ASAP1: variants seen among roughly 807,000 people sequenced by gnomAD.
The protein encoded by ASAP1 is ArfGAP with SH3 domain, ankyrin repeat and PH domain 1, also known as arf-GAP with SH3 domain, ANK repeat and PH domain-containing protein 1.
In ASAP1, 43 loss-of-function variants were observed where a neutral mutation model predicts 145.2. The ratio of observed to expected loss-of-function variants is 0.30; its 90% CI spans 0.23 to 0.38. ASAP1 has a LOEUF of 0.38. ASAP1 is among the 10% of genes least tolerant of loss of function. The probability of loss-of-function intolerance (pLI) is 1.00; values close to 1 mark genes in which losing one functional copy is unlikely to be tolerated. For synonymous variants in ASAP1, 546 were observed against 515.5 expected (o/e 1.06, Z -0.80); for missense variants, 1,018 against 1,355.3 (o/e 0.75, Z 3.91).
intron 3 of ASAP1, among the ~76,000 whole-genome samples, chr8:130,278,311 T>C (rs115888475): frequency 0.011 from 1,679 of 152,186 alleles, 29 homozygotes; most frequent in African/African-American, 0.039. Flanking sequence ...TCACATCCCA[T>C]AATCTAGACA....
intron 11 of ASAP1, 198 bp downstream of exon 11, chr8:130,167,338 G>C (rs2097682010): frequency 1.4e-6 from 1 of 694,794 alleles, no homozygotes; most frequent in South Asian, 1.5e-5. Flanking sequence ...CCAGAGTCAT[G>C]GAATTGGATA....
chr8:130,106,301 G>A (rs75481121), intron 24 of ASAP1, among the ~76,000 whole-genome samples: 217 of 152,226 alleles, frequency 1.4e-3, no homozygotes, highest in African/African-American at 5.1e-3. Context: ...ATAAAAAACC[G>A]CAGGAAACTG....
At chr8:130,142,402 T>C (rs1411795873) in intron 13 of ASAP1, among the ~76,000 whole-genome samples, 1 of 152,260 alleles carries the variant, frequency 6.6e-6, no homozygotes, top group African/African-American at 2.4e-5. Context: ...GACTCTCCTC[T>C]AAGTACTTAC....
At chr8:130,122,695 C>T (rs2097568485) in intron 18 of ASAP1, among the ~76,000 whole-genome samples, 1 of 152,224 alleles carries the variant, frequency 6.6e-6, no homozygotes, top group African/African-American at 2.4e-5. Flanking sequence ...AGCAGTCTGG[C>T]TTCAAAATCT....
chr8:130,379,457 C>T (rs1181095687), intron 2 of ASAP1, among the ~76,000 whole-genome samples: 1 of 152,160 alleles, frequency 6.6e-6, no homozygotes, highest in East Asian at 1.9e-4. Flanking sequence ...CAATTTATAG[C>T]TGGTTGGTCA....
At chr8:130,282,715 C>T (rs775525018) in intron 3 of ASAP1, among the ~76,000 whole-genome samples, 4 of 152,182 alleles carry the variant, frequency 2.6e-5, no homozygotes, top group Non-Finnish European at 1.5e-5. Flanking sequence ...TTTTAGAAAG[C>T]TGTTATCCCT....
intron 3 of ASAP1, among the ~76,000 whole-genome samples, chr8:130,295,349 T>C (rs1038961876): frequency 4.6e-5 from 7 of 152,112 alleles, no homozygotes; most frequent in Admixed American, 6.6e-5. Flanking sequence ...CTTTTTTTTT[T>C]TTCTTCAAAG....
chr8:130,325,270 C>T (rs1310903244), intron 3 of ASAP1, among the ~76,000 whole-genome samples: 1 of 152,164 alleles, frequency 6.6e-6, no homozygotes, highest in Admixed American at 6.5e-5. Flanking sequence ...GAATTCCTTT[C>T]TTTCAACGTA....
At chr8:130,364,905 T>C (rs1826880521) in intron 2 of ASAP1, among the ~76,000 whole-genome samples, 1 of 152,040 alleles carries the variant, frequency 6.6e-6, no homozygotes, top group Non-Finnish European at 1.5e-5. Flanking sequence ...ACCTCAGCAC[T>C]CCAGCCTGGA....
At chr8:130,407,854 G>A (rs753892906) in intron 1 of ASAP1, among the ~76,000 whole-genome samples, 1 of 152,170 alleles carries the variant, frequency 6.6e-6, no homozygotes, top group South Asian at 2.1e-4. Context: ...TCCTTTTATA[G>A]AGGATGTTAT....
At chr8:130,167,483 C>T in intron 11 of ASAP1, 53 bp downstream of exon 11, 1 of 1,429,220 alleles carries the variant, frequency 7.0e-7, no homozygotes, top group Non-Finnish European at 9.9e-7. Context: ...AAGGGTATTA[C>T]AAGCAGCCTT....
intron 3 of ASAP1, among the ~76,000 whole-genome samples, chr8:130,263,654 G>C (rs1015522497): frequency 2.6e-5 from 4 of 152,146 alleles, no homozygotes; most frequent in African/African-American, 9.7e-5. Flanking sequence ...CCTATGAAGT[G>C]AGTATTATTA....
chr8:130,203,559 A>C (rs1816006748), intron 5 of ASAP1, among the ~76,000 whole-genome samples: 1 of 152,222 alleles, frequency 6.6e-6, no homozygotes, highest in African/African-American at 2.4e-5. Flanking sequence ...AGAGGAATCC[A>C]AAGTCAGCTC....
chr8:130,395,832 A>T (rs1450985765), intron 2 of ASAP1, among the ~76,000 whole-genome samples: 2 of 151,954 alleles, frequency 1.3e-5, no homozygotes, highest in Non-Finnish European at 2.9e-5. Flanking sequence ...ACGCCCAGCT[A>T]ATTTTGTATT....
chr8:130,276,313 A>G (rs1285111993), intron 3 of ASAP1, among the ~76,000 whole-genome samples: 1 of 152,228 alleles, frequency 6.6e-6, no homozygotes, highest in East Asian at 1.9e-4. Context: ...ACATTCTGCT[A>G]CTGTGACAAA....
intron 3 of ASAP1, among the ~76,000 whole-genome samples, chr8:130,256,085 A>C (rs1819496239): frequency 6.6e-6 from 1 of 152,184 alleles, no homozygotes; most frequent in South Asian, 2.1e-4. Flanking sequence ...TAACGATTCA[A>C]TATTAACTTG....
chr8:130,430,784 G>T (rs532583420), intron 1 of ASAP1, among the ~76,000 whole-genome samples: 1 of 152,212 alleles, frequency 6.6e-6, no homozygotes, highest in Non-Finnish European at 1.5e-5. Context: ...AGAAGAGCAA[G>T]AAAGAAAGAC....
intron 2 of ASAP1, among the ~76,000 whole-genome samples, chr8:130,371,679 C>T (rs1215708490): frequency 6.6e-6 from 1 of 152,164 alleles, no homozygotes; most frequent in Admixed American, 6.5e-5. Context: ...ACGGCTGACA[C>T]TCCAGCAACC....
At chr8:130,201,716 G>C (rs1039417064) in intron 5 of ASAP1, among the ~76,000 whole-genome samples, 4 of 152,138 alleles carry the variant, frequency 2.6e-5, no homozygotes, top group African/African-American at 9.7e-5. Flanking sequence ...CTATCCTAAG[G>C]ATTTCTTTGT....
Sources: gnomAD v4.1 joint callset for allele counts (sites outside exome capture counted in the v4.1 genomes callset) on GRCh38, gnomAD v4.1.1 for gene constraint, MANE v1.5 for transcripts, NCBI Gene and HGNC (gene_info 2026-07-23, HGNC 2026-07-21) for gene names.